The following CPT2 variants were observed in gnomAD, a reference collection of about 807,000 sequenced individuals.
The protein encoded by CPT2 is carnitine palmitoyltransferase 2.
A neutral mutation model predicts 48.6 loss-of-function variants in CPT2; 37 were observed. That is an observed-to-expected ratio of 0.76 (90% CI 0.59 to 1.00). The LOEUF is 1.00. CPT2 is among the 50% of genes least tolerant of loss of function. The probability of loss-of-function intolerance (pLI) is 0.00; values close to 1 mark genes in which losing one functional copy is unlikely to be tolerated. For synonymous variants in CPT2, 319 were observed against 326.9 expected, an observed-to-expected ratio of 0.98 and a Z score of 0.26; for missense variants, 772 against 825.6, an observed-to-expected ratio of 0.94 and a Z score of 0.80.
intron 1 of CPT2, 23 bp from the exon 2 acceptor site, chr1:53,200,696 C>T: frequency 1.3e-6 from 2 of 1,576,990 alleles, no homozygotes; most frequent in Non-Finnish European, 1.7e-6. Flanking sequence ...GTCAGCCTTA[C>T]ACTGACCCTG....
Position 53,213,556 on chromosome 1 carries a change from C to T in CPT2, c.1938C>T (p.Asp646=), listed in dbSNP as rs768470420. The change falls in exon 5 of 5, where the codon GAC becomes GAT. Residue 646 remains aspartate (D), a synonymous_variant. Coordinates refer to ENST00000371486, the MANE Select transcript of CPT2 (RefSeq NM_000098.3). ...AATGTGTGGAGAAGGCCTTAGAAGA[C>T]ATGTTTGATGCCTTAGAAGGCAAAT... ...FLQCVEKALE[D]MFDALEGKSI... 6.6e-5 allele frequency: 106 copies of T among 1,614,048 alleles called. No homozygotes were observed. Among genetic ancestry groups the T allele is most frequent in the Non-Finnish European group, 7.5e-5 (88 of 1,180,044 alleles).
intron 3 of CPT2, 200 bp from the exon 4 acceptor site, chr1:53,209,815 G>C: frequency 1.6e-6 from 1 of 608,778 alleles, no homozygotes; most frequent in Non-Finnish European, 2.9e-6. Flanking sequence ...AGTGATAGAA[G>C]CTAAATGCAA....
intron 1 of CPT2, 36 bp downstream of exon 1, chr1:53,197,131 C>T (rs899111428): frequency 3.3e-5 from 51 of 1,535,968 alleles, no homozygotes; most frequent in Non-Finnish European, 4.2e-5. Flanking sequence ...CGCCCGCCGC[C>T]GTCCCAGGAT....
At position 53,210,606 on chromosome 1, in the gene CPT2, A is replaced by G. The variant is rs142790440; in HGVS notation, c.932A>G (p.Asn311Ser). Residue 311 changes from asparagine (N) to serine (S), a missense_variant, in exon 4 of 5, where the codon AAT becomes AGT. Coordinates refer to ENST00000371486, the MANE Select transcript of CPT2 (RefSeq NM_000098.3). ...AGGCAGAAGCTGATGAGTAGTGGCA[A>G]TGAGGAGAGCCTGAGGAAAGTGGAC... ...ELRQKLMSSG[N>S]EESLRKVDSA... is the part of the protein sequence containing the mutation. The G allele has an allele frequency of 2.2e-4, 360 of 1,614,096 alleles. No individual in the cohort carries two copies. The African/African-American group carries it at 4.5e-3, about 20-fold the overall frequency.
At position 53,211,221 on chromosome 1, in the gene CPT2, T is replaced by C. The variant is rs398123154; in HGVS notation, c.1547T>C (p.Phe516Ser). The C allele has an allele frequency of 1.9e-6, 3 of 1,609,958 alleles. No individual in the cohort carries two copies. Among genetic ancestry groups the C allele is most frequent in the Non-Finnish European group, 2.5e-6 (3 of 1,177,260 alleles). The change falls in exon 4 of 5, where the codon TTT becomes TCT. Residue 516 changes from phenylalanine to serine, a missense_variant. Physicochemically the swap from Phe to Ser is radical, Grantham distance 155. Coordinates refer to ENST00000371486, the MANE Select transcript of CPT2 (RefSeq NM_000098.3). ...SVYTKRCSEAFVREPSRHSAG... is the reference protein window; with the variant it reads ...SVYTKRCSEASVREPSRHSAG... ...TATACAAAGAGGTGCTCTGAGGCCT[T>C]TGTCAGGGAGCCCTCCAGGCACAGT...
At chr1:53,207,972 C>T (rs1490554024) in intron 3 of CPT2, 1 of 152,160 alleles carries the variant, frequency 6.6e-6, no homozygotes, top group Non-Finnish European at 1.5e-5. Context: ...TTTCTTGAGT[C>T]TGCTTTAGTC....
At chr1:53,197,523 A>C (rs1021149007) in intron 1 of CPT2, 1 of 280,008 alleles carries the variant, frequency 3.6e-6, no homozygotes, top group Non-Finnish European at 7.0e-6. Flanking sequence ...CTGATTCCTA[A>C]TACATCATGG....
intron 1 of CPT2, among the ~76,000 whole-genome samples, chr1:53,198,825 A>G (rs1645339093): frequency 6.6e-6 from 1 of 151,934 alleles, no homozygotes; most frequent in African/African-American, 2.4e-5. Context: ...TAAGCAACCA[A>G]CCTCCCCCAG....
rs1183037859 is a variant in CPT2 at position 53,213,540 on chromosome 1, A to C, written c.1922A>C (p.Glu641Ala). The change falls in exon 5 of 5, where the codon GAG (glutamate) becomes GCG (alanine). Residue 641 changes from glutamate to alanine, a missense_variant. Physicochemically the swap from Glu to Ala is moderately radical, Grantham distance 107. Transcript: ENST00000371486. ...RNAREFLQCVEKALEDMFDAL... is the reference protein window; with the variant it reads ...RNAREFLQCVAKALEDMFDAL... ...GCCCGGGAGTTTCTCCAATGTGTGG[A>C]GAAGGCCTTAGAAGACATGTTTGAT... 6.2e-7 allele frequency: 1 copy of C among 1,614,192 alleles called. No individual in the cohort carries two copies. The highest frequency in any genetic ancestry group is 1.7e-5 in the Admixed American group (1 of 60,028).
intron 3 of CPT2, chr1:53,209,414 C>A: frequency 6.4e-6 from 1 of 155,414 alleles, no homozygotes; most frequent in Non-Finnish European, 1.4e-5. Context: ...TTCAAATGTC[C>A]ATTACCTGAT....
In CPT2 at chr1:53,213,305, G is replaced by T; in HGVS notation, c.1687G>T (p.Ala563Ser). Reference protein sequence around the residue: ...DRHLFALRHLAAAKGIILPEL... With the variant: ...DRHLFALRHLSAAKGIILPEL... ...ACACTTGTTTGCTCTGCGGCATCTG[G>T]CAGCAGCCAAAGGGATCATCTTGCC... The change falls in exon 5 of 5, where the codon GCA (alanine) becomes TCA (serine). Residue 563 changes from alanine to serine, a missense_variant. By Grantham distance (99) the Ala-to-Ser change is moderately conservative. Coordinates refer to ENST00000371486, the MANE Select transcript of CPT2 (RefSeq NM_000098.3). The T allele has an allele frequency of 6.2e-7, 1 of 1,614,190 alleles. No homozygotes were observed. Among genetic ancestry groups the T allele is most frequent in the Non-Finnish European group, 8.5e-7 (1 of 1,180,048 alleles).
Position 53,210,797 on chromosome 1 carries a change from G to A in CPT2, c.1123G>A (p.Gly375Ser), listed in dbSNP as rs1645420382. 1.2e-6 allele frequency: 2 copies of A among 1,614,146 alleles called. No homozygotes were observed. Among genetic ancestry groups the A allele is most frequent in the African/African-American group, 1.3e-5 (1 of 75,026 alleles). ...TGCCGTCCACTTTGAGCACTCTTGG[G>A]GTGATGGTGTGGCAGTGCTCAGATT... ...STAVHFEHSW[G>S]DGVAVLRFFN... Residue 375 changes from glycine (G) to serine (S), a missense_variant, in exon 4 of 5, where the codon GGT becomes AGT. By Grantham distance (56) the Gly-to-Ser change is moderately conservative. Coordinates refer to ENST00000371486, the MANE Select transcript of CPT2 (RefSeq NM_000098.3).
In CPT2 at chr1:53,210,220, A is replaced by T; in HGVS notation, c.546A>T (p.Lys182Asn). The part of the protein sequence containing the change: ...EPEVFHLNPA[K>N]SDTITFKRLI... ...AAGTGTTCCACTTGAACCCTGCAAA[A>T]AGTGACACTATCACCTTCAAGAGAC... Residue 182 changes from lysine (K) to asparagine (N), a missense_variant, in exon 4 of 5, where the codon AAA (lysine) becomes AAT (asparagine). Coordinates refer to ENST00000371486, the MANE Select transcript of CPT2 (RefSeq NM_000098.3). The T allele has an allele frequency of 1.2e-6, 2 of 1,613,948 alleles. No individual in the cohort carries two copies. The highest frequency in any genetic ancestry group is 1.7e-6 in the Non-Finnish European group (2 of 1,179,920).
At chr1:53,204,858 G>C (rs537812973) in intron 3 of CPT2, among the ~76,000 whole-genome samples, 9 of 152,286 alleles carry the variant, frequency 5.9e-5, no homozygotes, top group Admixed American at 5.2e-4. Flanking sequence ...GATGTGCCTT[G>C]CTTCCCCTTC....
chr1:53,199,415 C>A (rs1491003367), intron 1 of CPT2, among the ~76,000 whole-genome samples: 1 of 152,182 alleles, frequency 6.6e-6, no homozygotes, highest in Non-Finnish European at 1.5e-5. Flanking sequence ...GTCTTGAACT[C>A]CTGGACTCGA....
At position 53,210,694 on chromosome 1, in the gene CPT2, CA is replaced by C. The variant is rs767119836; in HGVS notation, c.1022del (p.Asn341IlefsTer79). 2 of 1,614,184 alleles carry C rather than the reference CA, an allele frequency of 1.2e-6. No homozygotes were observed. Among genetic ancestry groups the C allele is most frequent in the Non-Finnish European group, 8.5e-7 (1 of 1,180,046 alleles). ...TTAAGGACCTTGTCCACTTGTCCCACAATATGCTGCATGGGGATGGCACAAA... is the reference window on the plus strand; with the variant it reads ...TTAAGGACCTTGTCCACTTGTCCCACATATGCTGCATGGGGATGGCACAAA... ...PIKDLVHLSH[N>X]MLHGDGTNRW... On this transcript the variant is annotated frameshift_variant, in exon 4 of 5. Transcript: ENST00000371486. LOFTEE classifies it high-confidence loss of function.
chr1:53,210,833 G>A lies in CPT2; in HGVS notation c.1159G>A (p.Val387Ile), dbSNP rs1645420850. The A allele has an allele frequency of 6.2e-7, 1 of 1,614,014 alleles. No individual in the cohort carries two copies. Among genetic ancestry groups the A allele is most frequent in the Non-Finnish European group, 8.5e-7 (1 of 1,180,030 alleles). Residue 387 changes from valine to isoleucine, a missense_variant, in exon 4 of 5, where the codon GTA (valine) becomes ATA (isoleucine). Coordinates refer to ENST00000371486, the MANE Select transcript of CPT2 (RefSeq NM_000098.3). The stretch of plus-strand genomic sequence containing the variant: ...GGCAGTGCTCAGATTTTTTAATGAA[G>A]TATTTAAAGACAGCACTCAGACCCC... The part of the protein sequence containing the change: ...GVAVLRFFNE[V>I]FKDSTQTPAV...
At chr1:53,198,504 G>A (rs1280028535) in intron 1 of CPT2, among the ~76,000 whole-genome samples, 1 of 152,224 alleles carries the variant, frequency 6.6e-6, no homozygotes, top group African/African-American at 2.4e-5. Flanking sequence ...TGTGGCATAA[G>A]CCTGGTACAT....
chr1:53,206,810 A>G (rs1196308692), intron 3 of CPT2, among the ~76,000 whole-genome samples: 1 of 152,172 alleles, frequency 6.6e-6, no homozygotes, highest in Non-Finnish European at 1.5e-5. Context: ...TTTGGCTTGT[A>G]ATTTTGAGTT....
Sources: gnomAD v4.1 joint callset for allele counts (sites outside exome capture counted in the v4.1 genomes callset) on GRCh38, gnomAD v4.1.1 for gene constraint, MANE v1.5 for transcripts, NCBI Gene and HGNC (gene_info 2026-07-23, HGNC 2026-07-21) for gene names.